Variants in FEM1C observed in about 807,000 individuals in gnomAD.
FEM1C encodes the protein protein fem-1 homolog C.
FEM1C carries 15 observed loss-of-function variants against 37.6 expected under a neutral mutation model. The ratio of observed to expected loss-of-function variants is 0.40; its 90% CI spans 0.27 to 0.61. FEM1C has a LOEUF of 0.61. FEM1C is among the 20% of genes least tolerant of loss of function. The pLI is 0.42. For missense variants in FEM1C, 532 were observed against 749.7 expected, an observed-to-expected ratio of 0.71 and a Z score of 3.39; for synonymous variants, 287 against 272.8, an observed-to-expected ratio of 1.05 and a Z score of -0.51.
chr5:115,529,984 C>T (rs1198920393), intron 2 of FEM1C, among the ~76,000 whole-genome samples: 1 of 151,532 alleles, frequency 6.6e-6, no homozygotes, highest in Non-Finnish European at 1.5e-5. Flanking sequence ...GATGAAAATC[C>T]AAAAATATCA....
At chr5:115,543,852 A>G (rs1435202185) in intron 1 of FEM1C, 169 bp from the exon 2 acceptor site, 17 of 982,508 alleles carry the variant, frequency 1.7e-5, no homozygotes, top group Non-Finnish European at 1.9e-5. Context: ...AGAAAAATAC[A>G]GAAGGATACA....
intron 2 of FEM1C, among the ~76,000 whole-genome samples, chr5:115,533,595 G>T (rs143173360): frequency 6.6e-6 from 1 of 151,874 alleles, no homozygotes; most frequent in Non-Finnish European, 1.5e-5. Flanking sequence ...AAGTACTATA[G>T]ATTTAGCTCA....
chr5:115,534,957 A>AAGTCATAT (rs1307469461), intron 2 of FEM1C, among the ~76,000 whole-genome samples: 5 of 151,974 alleles, frequency 3.3e-5, no homozygotes, highest in Admixed American at 2.6e-4. Flanking sequence ...TAGCAATATC[A>AAGTCATAT]AGTCATATGA....
Position 115,521,087 on chromosome 5 carries a change from AAAAAAG to A in FEM1C, c.*3215_*3220del, listed in dbSNP as rs1580374355. ...TAGTGACACATAAGGGCAAAAAAAA[AAAAAAG>A]AAAAAGAAAAAAAGAAAATGATGAT... is the stretch of plus-strand genomic sequence containing the variant. On this transcript the variant is annotated 3_prime_UTR_variant, in exon 3 of 3. Coordinates refer to ENST00000274457, the MANE Select transcript of FEM1C (RefSeq NM_020177.3). 1 of 151,720 alleles carries A rather than the reference AAAAAAG, an allele frequency of 6.6e-6. No homozygotes were observed. The highest frequency in any genetic ancestry group is 2.1e-4 in the South Asian group (1 of 4,820). 9.4% of individuals were successfully genotyped at this position (151,720 alleles called of 1,614,324 possible).
intron 2 of FEM1C, among the ~76,000 whole-genome samples, chr5:115,527,067 G>A (rs1398473849): frequency 1.3e-5 from 2 of 149,742 alleles, no homozygotes; most frequent in African/African-American, 4.9e-5. Flanking sequence ...CCCCTCACAA[G>A]AGGAACAAAG....
chr5:115,530,349 T>C (rs1048564063), intron 2 of FEM1C, among the ~76,000 whole-genome samples: 4 of 152,096 alleles, frequency 2.6e-5, no homozygotes, highest in Admixed American at 6.6e-5. Context: ...ATATAATAAT[T>C]TTAAACTTGT....
At position 115,543,239 on chromosome 5, in the gene FEM1C, G is replaced by C; in HGVS notation, c.255C>G (p.Pro85=). The C allele has an allele frequency of 6.2e-7, 1 of 1,614,166 alleles. No individual in the cohort carries two copies. The highest frequency in any genetic ancestry group is 8.5e-7 in the Non-Finnish European group (1 of 1,180,012). Residue 85 remains proline, a synonymous_variant, in exon 2 of 3, where the codon CCC becomes CCG. Transcript: ENST00000274457. ...CTGCTGCAGAAGCGGCCCATAAAGG[G>C]GGAGCCCCCTCAATGGTTTCGCCAT... The part of the protein sequence containing the change: ...NFDGETIEGA[P]PLWAASAAGH...
At position 115,525,114 on chromosome 5, in the gene FEM1C, C is replaced by G; in HGVS notation, c.1048G>C (p.Asp350His). Reference sequence around the variant, plus strand: ...ATGCATCGTTTGAAATTTCCAGAGTCTGCATAGACAGCGCCTCTATATCTA... The same window carrying G: ...ATGCATCGTTTGAAATTTCCAGAGTGTGCATAGACAGCGCCTCTATATCTA... ...YIRYRGAVYA[D>H]SGNFKRCINL... Residue 350 changes from aspartate to histidine, a missense_variant, in exon 3 of 3, where the codon GAC becomes CAC. This residue lies in a region of FEM1C where 221 missense variants were observed against 404.1 expected (regional missense o/e 0.55). Transcript: ENST00000274457. The G allele has an allele frequency of 6.2e-7, 1 of 1,613,812 alleles. No individual in the cohort carries two copies. The highest frequency in any genetic ancestry group is 8.5e-7 in the Non-Finnish European group (1 of 1,179,846).
chr5:115,538,308 C>T (rs937090600), intron 2 of FEM1C, among the ~76,000 whole-genome samples: 1 of 151,932 alleles, frequency 6.6e-6, no homozygotes, highest in Non-Finnish European at 1.5e-5. Flanking sequence ...TTTCTGAACC[C>T]CTATATTCTA....
intron 2 of FEM1C, among the ~76,000 whole-genome samples, chr5:115,540,978 AATG>A (rs1158892605): frequency 6.6e-6 from 1 of 152,098 alleles, no homozygotes; most frequent in Non-Finnish European, 1.5e-5. Context: ...TCTTCAAAAG[AATG>A]ATAATTGTTT....
rs1297638659 is a variant in FEM1C at position 115,543,599 on chromosome 5, T to C, written c.-106A>G. On this transcript the variant is annotated 5_prime_UTR_variant, in exon 2 of 3. Coordinates refer to ENST00000274457, the MANE Select transcript of FEM1C (RefSeq NM_020177.3). ...CACAGGAACCAAAGTCCAATGTTAA[T>C]TGCTGCACCCCAGAACGGATACACA... 5.4e-6 allele frequency: 8 copies of C among 1,484,804 alleles called. No individual in the cohort carries two copies. The highest frequency in any genetic ancestry group is 2.8e-5 in the South Asian group (2 of 72,246). 92.0% of individuals were successfully genotyped at this position (1,484,804 alleles called of 1,614,324 possible). A position where few individuals can be genotyped will look rare whatever the true frequency, so the allele number is the denominator to read the frequency against.
At position 115,543,600 on chromosome 5, in the gene FEM1C, T is replaced by A; in HGVS notation, c.-107A>T. 5 of 1,483,996 alleles carry A rather than the reference T, an allele frequency of 3.4e-6. No homozygotes were observed. Among genetic ancestry groups the A allele is most frequent in the Non-Finnish European group, 4.4e-6 (5 of 1,126,572 alleles). 91.9% of individuals were successfully genotyped at this position (1,483,996 alleles called of 1,614,324 possible). A position where few individuals can be genotyped will look rare whatever the true frequency, so the allele number is the denominator to read the frequency against. On this transcript the variant is annotated 5_prime_UTR_variant, in exon 2 of 3. Coordinates refer to ENST00000274457, the MANE Select transcript of FEM1C (RefSeq NM_020177.3). Reference sequence around the variant, plus strand: ...ACAGGAACCAAAGTCCAATGTTAATTGCTGCACCCCAGAACGGATACACAA... The same window carrying A: ...ACAGGAACCAAAGTCCAATGTTAATAGCTGCACCCCAGAACGGATACACAA...
intron 2 of FEM1C, among the ~76,000 whole-genome samples, chr5:115,527,219 G>T (rs1753913582): frequency 6.6e-6 from 1 of 151,962 alleles, no homozygotes; most frequent in Non-Finnish European, 1.5e-5. Flanking sequence ...CCAAATTTGG[G>T]GGTGGCTTTG....
In FEM1C at chr5:115,524,335, T is replaced by C. The variant is rs368831061; in HGVS notation, c.1827A>G (p.Leu609=). The change falls in exon 3 of 3, where the codon CTA becomes CTG. Residue 609 remains leucine (L), a synonymous_variant. Coordinates refer to ENST00000274457, the MANE Select transcript of FEM1C (RefSeq NM_020177.3). ...ATCTATGAAGGGAAACAAAAGTCTC[T>C]AGCTTTTCTGGGATATGCCCTTTAT... ...IYYKGHIPEK[L]ETFVSLHR The C allele has an allele frequency of 1.2e-5, 20 of 1,613,202 alleles. No individual in the cohort carries two copies. In the African/African-American group the frequency reaches 2.4e-4, roughly 19 times the overall value.
chr5:115,541,807 A>G (rs1754247174), intron 2 of FEM1C, among the ~76,000 whole-genome samples: 1 of 152,162 alleles, frequency 6.6e-6, no homozygotes, highest in African/African-American at 2.4e-5. Flanking sequence ...GTAATCAACC[A>G]CTAGACGGAG....
chr5:115,543,984 T>C (rs901583489), intron 1 of FEM1C: 1 of 985,280 alleles, frequency 1.0e-6, no homozygotes, highest in Non-Finnish European at 1.2e-6. Context: ...AGTTTTGCTT[T>C]GCACACGCCC....
chr5:115,526,893 T>C (rs754039244), intron 2 of FEM1C, among the ~76,000 whole-genome samples: 7 of 152,108 alleles, frequency 4.6e-5, no homozygotes, highest in African/African-American at 1.7e-4. Flanking sequence ...GAATGTCTGG[T>C]TTCCTTCTGG....
At chr5:115,537,309 G>A (rs1328485725) in intron 2 of FEM1C, among the ~76,000 whole-genome samples, 2 of 151,970 alleles carry the variant, frequency 1.3e-5, no homozygotes, top group African/African-American at 4.8e-5. Flanking sequence ...AACCAGTGAA[G>A]GAACTACATT....
chr5:115,540,420 A>G (rs935851774), intron 2 of FEM1C, among the ~76,000 whole-genome samples: 1 of 152,078 alleles, frequency 6.6e-6, no homozygotes, highest in Non-Finnish European at 1.5e-5. Context: ...ACGAGAAAAC[A>G]ATTTTTGGCA....
Sources: gnomAD v4.1 joint callset for allele counts (sites outside exome capture counted in the v4.1 genomes callset) on GRCh38, gnomAD v4.1.1 for gene constraint, gnomAD v4.1.1 regional missense constraint, MANE v1.5 for transcripts, NCBI Gene and HGNC (gene_info 2026-07-23, HGNC 2026-07-21) for gene names.